FSTL5: variants seen among roughly 807,000 people sequenced by gnomAD.
The protein encoded by FSTL5 is follistatin-related protein 5.
Under a neutral mutation model 89.1 loss-of-function variants are expected in FSTL5, and 62 were observed. That is an observed-to-expected ratio of 0.70 (90% CI 0.57 to 0.86). The LOEUF (loss-of-function observed/expected upper bound fraction) is 0.86, where lower values mean the gene tolerates loss of function less well. FSTL5 is among the 40% of genes least tolerant of loss of function. The probability of loss-of-function intolerance (pLI) is 0.00; values close to 1 mark genes in which losing one functional copy is unlikely to be tolerated. For missense variants in FSTL5, 1,057 were observed against 1,001.6 expected, an observed-to-expected ratio of 1.06 and a Z score of -0.75; for synonymous variants, 383 against 346.2, an observed-to-expected ratio of 1.11 and a Z score of -1.18.
chr4:161,653,529 G>A (rs1736410251), intron 7 of FSTL5, among the ~76,000 whole-genome samples: 2 of 152,032 alleles, frequency 1.3e-5, no homozygotes, highest in Non-Finnish European at 2.9e-5. Flanking sequence ...GGTAAGAATT[G>A]CCATAACATT....
At chr4:162,094,721 T>C (rs1327272970) in intron 2 of FSTL5, among the ~76,000 whole-genome samples, 2 of 152,182 alleles carry the variant, frequency 1.3e-5, no homozygotes, top group East Asian at 3.9e-4. Flanking sequence ...GAAGATGGTA[T>C]TTCAACAGTA....
intron 2 of FSTL5, among the ~76,000 whole-genome samples, chr4:162,073,360 A>T (rs1320036521): frequency 6.6e-6 from 1 of 151,758 alleles, no homozygotes; most frequent in Non-Finnish European, 1.5e-5. Context: ...TTTCTTATTG[A>T]TATGTGTCTT....
At chr4:161,713,761 T>G (rs1481765762) in intron 6 of FSTL5, among the ~76,000 whole-genome samples, 1 of 152,176 alleles carries the variant, frequency 6.6e-6, no homozygotes, top group African/African-American at 2.4e-5. Flanking sequence ...CATTACAAAA[T>G]AGGCATATTT....
intron 4 of FSTL5, among the ~76,000 whole-genome samples, chr4:161,879,951 G>A (rs923735265): frequency 6.6e-6 from 1 of 152,174 alleles, no homozygotes; most frequent in Non-Finnish European, 1.5e-5. Context: ...ATTCTCTGAT[G>A]TTAATCTCTT....
intron 1 of FSTL5, among the ~76,000 whole-genome samples, chr4:162,130,006 G>A (rs1732233670): frequency 6.6e-6 from 1 of 152,114 alleles, no homozygotes; most frequent in Non-Finnish European, 1.5e-5. Flanking sequence ...TAAAGCAATA[G>A]AATTCTAAAG....
chr4:161,863,437 T>C (rs532466372), intron 4 of FSTL5, among the ~76,000 whole-genome samples: 3 of 152,048 alleles, frequency 2.0e-5, no homozygotes, highest in Non-Finnish European at 4.4e-5. Context: ...AAAAGGAAAA[T>C]AAAGCAGCAG....
intron 2 of FSTL5, among the ~76,000 whole-genome samples, chr4:162,069,286 A>G (rs1460471716): frequency 6.6e-6 from 1 of 151,996 alleles, no homozygotes; most frequent in African/African-American, 2.4e-5. Flanking sequence ...GTACATATTT[A>G]TTGGGTATAG....
chr4:161,730,872 C>G (rs1016915111), intron 6 of FSTL5, among the ~76,000 whole-genome samples: 1 of 152,046 alleles, frequency 6.6e-6, no homozygotes, highest in African/African-American at 2.4e-5. Flanking sequence ...AATAAAAACA[C>G]GAATATTCTT....
intron 11 of FSTL5, among the ~76,000 whole-genome samples, chr4:161,504,515 G>A (rs1346196898): frequency 6.6e-6 from 1 of 151,558 alleles, no homozygotes; most frequent in Non-Finnish European, 1.5e-5. Flanking sequence ...GTGAAGGCAG[G>A]CAAAAGCGCT....
At chr4:161,576,848 G>A (rs559155184) in intron 8 of FSTL5, among the ~76,000 whole-genome samples, 24 of 152,310 alleles carry the variant, frequency 1.6e-4, no homozygotes, top group African/African-American at 5.1e-4. Context: ...GGAGGACTGA[G>A]GAAGGTAATC....
Position 162,029,365 on chromosome 4 carries a change from A to G in FSTL5, c.160+4260T>C, listed in dbSNP as rs1026169581. On this transcript the variant is annotated intron_variant, in intron 3 of 15. Transcript: ENST00000306100. ...CCCCTTTTCATGTACATCAATATAT[A>G]TGACATAATACTTGTCTCATTGAGC... 6.6e-5 allele frequency among the ~76,000 whole-genome samples: 10 copies of G among 152,278 alleles called. No homozygotes were observed. The East Asian group carries it at 1.5e-3, about 24-fold the overall frequency.
intron 5 of FSTL5, among the ~76,000 whole-genome samples, chr4:161,763,688 T>C (rs1269987227): frequency 2.0e-5 from 3 of 152,184 alleles, no homozygotes; most frequent in Non-Finnish European, 4.4e-5. Context: ...TCTCCATCCT[T>C]TGCAAAAATA....
chr4:161,834,066 A>G (rs1278171860), intron 4 of FSTL5, among the ~76,000 whole-genome samples: 1 of 152,194 alleles, frequency 6.6e-6, no homozygotes, highest in Admixed American at 6.5e-5. Flanking sequence ...AAATACTGGC[A>G]AAAAGAATCC....
intron 10 of FSTL5, among the ~76,000 whole-genome samples, chr4:161,527,217 G>A (rs1171874926): frequency 6.6e-6 from 1 of 152,100 alleles, no homozygotes; most frequent in Non-Finnish European, 1.5e-5. Flanking sequence ...GTGAATGGGA[G>A]TTCACTCATG....
intron 15 of FSTL5, among the ~76,000 whole-genome samples, chr4:161,416,707 T>A (rs914985737): frequency 2.6e-5 from 4 of 151,710 alleles, no homozygotes; most frequent in African/African-American, 9.7e-5. Context: ...TAGCCGGGTG[T>A]GGTGGCGGGC....
intron 4 of FSTL5, among the ~76,000 whole-genome samples, chr4:161,888,844 ACT>A (rs1211625382): frequency 7.9e-5 from 12 of 152,002 alleles, no homozygotes; most frequent in African/African-American, 2.7e-4. Flanking sequence ...TAATTTTAAA[ACT>A]CTGATTCATA....
intron 2 of FSTL5, among the ~76,000 whole-genome samples, chr4:162,073,822 T>C (rs538571730): frequency 6.6e-6 from 1 of 151,928 alleles, no homozygotes; most frequent in Admixed American, 6.6e-5. Context: ...AAGAAAATGC[T>C]TGTATTGTTC....
intron 5 of FSTL5, among the ~76,000 whole-genome samples, chr4:161,763,703 T>G (rs2126793116): frequency 6.6e-6 from 1 of 152,250 alleles, no homozygotes; most frequent in East Asian, 1.9e-4. Context: ...AAAATATTTT[T>G]CCCAAACTAA....
intron 15 of FSTL5, among the ~76,000 whole-genome samples, chr4:161,393,087 C>A (rs1045978418): frequency 1.3e-5 from 2 of 151,872 alleles, no homozygotes; most frequent in African/African-American, 4.8e-5. Context: ...TCACTTGAAC[C>A]CGGGAGGCAG....
Sources: allele counts gnomAD v4.1 joint callset (sites outside exome capture counted in the v4.1 genomes callset), GRCh38; gene constraint gnomAD v4.1.1; transcripts MANE v1.5; gene names NCBI Gene and HGNC (gene_info 2026-07-23, HGNC 2026-07-21).